The following EPHX2 variants were observed in gnomAD, a reference collection of about 807,000 sequenced individuals.
EPHX2 encodes the protein bifunctional epoxide hydrolase 2.
Under a neutral mutation model 78.7 loss-of-function variants are expected in EPHX2, and 74 were observed. That is an observed-to-expected ratio of 0.94 (90% CI 0.78 to 1.14). The LOEUF is 1.14. Ranked by LOEUF, EPHX2 falls within the 50% of genes most tolerant of loss-of-function variation. The pLI is 0.00. For missense variants in EPHX2, 715 were observed against 702.5 expected (o/e 1.02, Z -0.20); for synonymous variants, 251 against 255.2 (o/e 0.98, Z 0.16).
intron 12 of EPHX2, among the ~76,000 whole-genome samples, chr8:27,526,237 A>C (rs189094950): frequency 6.6e-6 from 1 of 152,352 alleles, no homozygotes; most frequent in Admixed American, 6.5e-5. Context: ...CAACCATCCC[A>C]GTTTCGATTC....
intron 5 of EPHX2, among the ~76,000 whole-genome samples, chr8:27,511,229 G>A (rs371348542): frequency 1.2e-4 from 18 of 152,348 alleles, no homozygotes; most frequent in African/African-American, 4.3e-4. Context: ...GATTTTGGCC[G>A]ACTTGAAGGA....
Position 27,516,373 on chromosome 8 carries a change from C to T in EPHX2, c.885C>T (p.Gly295=). The T allele has an allele frequency of 2.5e-6, 4 of 1,614,096 alleles. No individual in the cohort carries two copies. Among genetic ancestry groups the T allele is most frequent in the Non-Finnish European group, 3.4e-6 (4 of 1,179,986 alleles). ...GGGTCCTAGCTATGGACATGAAAGG[C>T]TATGGAGAGTCATCTGCTCCTCCCG... The part of the protein sequence containing the change: ...GYRVLAMDMK[G]YGESSAPPEI... The change falls in exon 8 of 19, where the codon GGC becomes GGT. Residue 295 remains glycine (G), a synonymous_variant. Transcript: ENST00000521400.
chr8:27,528,263 G>A (rs772670447), intron 12 of EPHX2, among the ~76,000 whole-genome samples: 2 of 152,184 alleles, frequency 1.3e-5, no homozygotes, highest in Non-Finnish European at 2.9e-5. Context: ...GGACAGTTTT[G>A]TTCTTAAGAA....
chr8:27,535,465 C>T (rs1288604814), intron 12 of EPHX2, among the ~76,000 whole-genome samples: 1 of 152,112 alleles, frequency 6.6e-6, no homozygotes. Context: ...TGAACCACTG[C>T]ACCCGGCCAA....
At chr8:27,525,107 T>TGTGCGCGCGCGCGC (rs1491544464) in intron 11 of EPHX2, among the ~76,000 whole-genome samples, 3 of 103,456 alleles carry the variant, frequency 2.9e-5, no homozygotes, top group African/African-American at 1.1e-4. Context: ...TGTGTGTGTG[T>TGTGCGCGCGCGCGC]GCGCGCGCGC....
Position 27,543,759 on chromosome 8 carries a change from C to T in EPHX2, c.1460C>T (p.Pro487Leu), listed in dbSNP as rs778733138. ...CKSLGRKILI[P>L]ALMVTAEKDF... Reference sequence around the variant, plus strand: ...CTGTTCTCCCCCCAGATCCTGATTCCGGCCCTGATGGTCACGGCGGAGAAG... The same window carrying T: ...CTGTTCTCCCCCCAGATCCTGATTCTGGCCCTGATGGTCACGGCGGAGAAG... The change falls in exon 17 of 19, where the codon CCG becomes CTG. Residue 487 changes from proline (P) to leucine (L), a missense_variant. Pro to Leu is a moderately conservative substitution (Grantham distance 98). Transcript: ENST00000521400. 9.3e-6 allele frequency: 15 copies of T among 1,613,902 alleles called. No individual in the cohort carries two copies. Among genetic ancestry groups the T allele is most frequent in the East Asian group, 2.2e-5 (1 of 44,858 alleles).
intron 7 of EPHX2, among the ~76,000 whole-genome samples, chr8:27,516,049 TG>T (rs766728720): frequency 6.6e-6 from 1 of 152,206 alleles, no homozygotes; most frequent in African/African-American, 2.4e-5. Flanking sequence ...TGCCCCCTGC[TG>T]GGAAGTCTCT....
intron 1 of EPHX2, among the ~76,000 whole-genome samples, chr8:27,500,629 C>T (rs747323605): frequency 3.3e-5 from 5 of 152,186 alleles, no homozygotes; most frequent in South Asian, 4.1e-4. Context: ...TGCCCACTCT[C>T]GGTTCTGACC....
At chr8:27,547,110 C>T (rs1025282342), downstream of EPHX2, among the ~76,000 whole-genome samples, 1 of 152,242 alleles carries the variant, frequency 6.6e-6, no homozygotes, top group African/African-American at 2.4e-5. Flanking sequence ...TCACTGCCCA[C>T]CAGGCCCCAC....
chr8:27,497,787 A>G (rs999031312), intron 1 of EPHX2, among the ~76,000 whole-genome samples: 1 of 152,176 alleles, frequency 6.6e-6, no homozygotes, highest in Non-Finnish European at 1.5e-5. Flanking sequence ...TGAATAATTC[A>G]TGGGCTTTTT....
At chr8:27,515,917 G>A (rs1814433099) in intron 7 of EPHX2, 104 bp downstream of exon 7, 1 of 987,400 alleles carries the variant, frequency 1.0e-6, no homozygotes, top group Non-Finnish European at 1.6e-6. Context: ...CCTGACAGTG[G>A]AGCATTGTCT....
chr8:27,512,100 GAAAAAAA>G, intron 6 of EPHX2, 190 bp downstream of exon 6: 2 of 136,006 alleles, frequency 1.5e-5, no homozygotes, highest in Non-Finnish European at 2.7e-5. Context: ...CCTGTCTCAA[GAAAAAAA>G]AAAAAAAAAA....
At chr8:27,527,123 G>A (rs1279475976) in intron 12 of EPHX2, among the ~76,000 whole-genome samples, 1 of 151,976 alleles carries the variant, frequency 6.6e-6, no homozygotes, top group East Asian at 1.9e-4. Flanking sequence ...TGATTTTTTT[G>A]TTTGTTTGTA....
At position 27,544,499 on chromosome 8, in the gene EPHX2, C is replaced by G. The variant is rs1437441892; in HGVS notation, c.1645C>G (p.Pro549Ala). Residue 549 changes from proline (P) to alanine (A), a missense_variant, in exon 19 of 19, where the codon CCA becomes GCA. Coordinates refer to ENST00000521400, the MANE Select transcript of EPHX2 (RefSeq NM_001979.6). ...GTGGCTGGATTCTGATGCCCGGAAC[C>G]CACCGGTGGTCTCAAAGATGTAGAA... ...IKWLDSDARN[P>A]PVVSKM 6.2e-7 allele frequency: 1 copy of G among 1,613,850 alleles called. No individual in the cohort carries two copies. The highest frequency in any genetic ancestry group is 2.2e-5 in the East Asian group (1 of 44,876).
At chr8:27,535,427 G>A (rs138834082) in intron 12 of EPHX2, among the ~76,000 whole-genome samples, 2,636 of 151,998 alleles carry the variant, frequency 0.017, 20 homozygotes, top group Middle Eastern at 0.031. Context: ...TGCCTGCCTC[G>A]GCCTCCCAAA....
downstream of EPHX2, among the ~76,000 whole-genome samples, chr8:27,547,844 AT>A (rs1489563079): frequency 6.6e-6 from 1 of 152,218 alleles, no homozygotes; most frequent in East Asian, 1.9e-4. Flanking sequence ...ACTTAACAGA[AT>A]GCTCTCCATT....
chr8:27,499,806 CT>C (rs1813699637), intron 1 of EPHX2, among the ~76,000 whole-genome samples: 2 of 151,954 alleles, frequency 1.3e-5, no homozygotes, highest in African/African-American at 2.4e-5. Context: ...GGGTTGGTTC[CT>C]TCTGAGGCCT....
intron 12 of EPHX2, among the ~76,000 whole-genome samples, chr8:27,526,395 A>C (rs72477503): frequency 5.9e-5 from 9 of 152,334 alleles, no homozygotes; most frequent in African/African-American, 2.2e-4. Flanking sequence ...CATCCCACAT[A>C]CTACAGGGAG....
At chr8:27,522,818 G>A (rs1053116660) in intron 11 of EPHX2, among the ~76,000 whole-genome samples, 6 of 152,108 alleles carry the variant, frequency 3.9e-5, no homozygotes, top group African/African-American at 9.6e-5. Context: ...AAAACTAGCC[G>A]GGCATGGTGG....
Sources: allele counts gnomAD v4.1 joint callset (sites outside exome capture counted in the v4.1 genomes callset), GRCh38; gene constraint gnomAD v4.1.1; transcripts MANE v1.5; gene names NCBI Gene and HGNC (gene_info 2026-07-23, HGNC 2026-07-21).